Variants in UGGT1 observed in about 807,000 individuals in gnomAD.
The protein encoded by UGGT1 is UDP-glucose glycoprotein glucosyltransferase 1, also known as UDP-glucose:glycoprotein glucosyltransferase 1.
A neutral mutation model predicts 203.9 loss-of-function variants in UGGT1; 107 were observed. The observed-to-expected ratio is 0.52, with a 90% CI of 0.45 to 0.62. UGGT1 has a LOEUF of 0.62. Among genes scored for constraint, UGGT1 ranks in the 20% least tolerant of loss-of-function variants. UGGT1 has a pLI of 0.00. For synonymous variants in UGGT1, 628 were observed against 653.5 expected (o/e 0.96, Z 0.59); for missense variants, 1,673 against 1,867.2 (o/e 0.90, Z 1.92).
In UGGT1 at chr2:128,113,109, G is replaced by T. The variant is rs1236963054; in HGVS notation, c.547G>T (p.Asp183Tyr). 6.2e-7 allele frequency: 1 copy of T among 1,600,844 alleles called. No individual in the cohort carries two copies. The highest frequency in any genetic ancestry group is 2.2e-5 in the East Asian group (1 of 44,480). The change falls in exon 6 of 41, where the codon GAT becomes TAT. Residue 183 changes from aspartate to tyrosine, a missense_variant. Asp to Tyr is a radical substitution (Grantham distance 160). Transcript: ENST00000259253. ...ERPKPLLFKGDHRYPSSNPES... is the reference protein window; with the variant it reads ...ERPKPLLFKGYHRYPSSNPES... ...ACCCAAACCTTTATTGTTCAAAGGA[G>T]ATCACAGATATCCCTCGTCTAATCC...
At chr2:128,125,295 G>A (rs1372490255) in intron 11 of UGGT1, among the ~76,000 whole-genome samples, 2 of 152,074 alleles carry the variant, frequency 1.3e-5, no homozygotes, top group Non-Finnish European at 2.9e-5. Flanking sequence ...GGGTAGCACC[G>A]ACCTCAGGCA....
chr2:128,134,627 G>A (rs1221704443), intron 14 of UGGT1, among the ~76,000 whole-genome samples: 1 of 152,186 alleles, frequency 6.6e-6, no homozygotes, highest in East Asian at 1.9e-4. Flanking sequence ...AGAAAAAGCG[G>A]CATCATCACT....
intron 13 of UGGT1, 61 bp from the exon 14 acceptor site, chr2:128,133,080 A>G: frequency 4.4e-6 from 7 of 1,577,500 alleles, no homozygotes; most frequent in Non-Finnish European, 6.1e-6. Flanking sequence ...TATTGATATT[A>G]TTGCAGGTTT....
At chr2:128,105,584 G>A (rs1322623129) in intron 3 of UGGT1, among the ~76,000 whole-genome samples, 3 of 151,094 alleles carry the variant, frequency 2.0e-5, no homozygotes, top group Non-Finnish European at 2.9e-5. Flanking sequence ...GCGCGATCTC[G>A]ACTCACTGCA....
At chr2:128,130,300 C>A (rs1688813728) in intron 13 of UGGT1, among the ~76,000 whole-genome samples, 1 of 151,128 alleles carries the variant, frequency 6.6e-6, no homozygotes, top group South Asian at 2.1e-4. Context: ...GGAATAGTGC[C>A]ATCTTGGGCA....
At chr2:128,132,997 C>A in intron 13 of UGGT1, 144 bp from the exon 14 acceptor site, 1 of 1,013,596 alleles carries the variant, frequency 9.9e-7, no homozygotes, top group Non-Finnish European at 1.4e-6. Flanking sequence ...GTGAGCCACT[C>A]ACTGCAGCCA....
chr2:128,171,518 T>C, intron 28 of UGGT1: 1 of 470,864 alleles, frequency 2.1e-6, no homozygotes, highest in Non-Finnish European at 3.8e-6. Flanking sequence ...CTTTTCTTTC[T>C]TTTTTTCGAG....
At chr2:128,111,967 A>G (rs976105461) in intron 5 of UGGT1, among the ~76,000 whole-genome samples, 2 of 147,806 alleles carry the variant, frequency 1.4e-5, no homozygotes, top group South Asian at 2.2e-4. Flanking sequence ...GACAAAACCC[A>G]TGTCTACAAA....
At chr2:128,156,510 G>T in intron 21 of UGGT1, 95 bp downstream of exon 21, 13 of 915,646 alleles carry the variant, frequency 1.4e-5, no homozygotes, top group East Asian at 5.4e-5. Flanking sequence ...TAATTGTACT[G>T]TTTCCGGAAT....
chr2:128,108,183 T>G, intron 4 of UGGT1, 115 bp downstream of exon 4: 1 of 1,279,534 alleles, frequency 7.8e-7, no homozygotes, highest in South Asian at 1.7e-5. Context: ...TTGCCTGAAA[T>G]TTTCTAGGAT....
Position 128,159,733 on chromosome 2 carries a change from G to A in UGGT1, c.2562+13G>A. 1 of 1,612,682 alleles carries A rather than the reference G, an allele frequency of 6.2e-7. No individual in the cohort carries two copies. Among genetic ancestry groups the A allele is most frequent in the Non-Finnish European group, 8.5e-7 (1 of 1,179,118 alleles). ...GTTCTCTGTTGGGGTAAGGCTCTGAGCCTCTCATGAGGCTGCCCCATTTTG... is the reference window on the plus strand; with the variant it reads ...GTTCTCTGTTGGGGTAAGGCTCTGAACCTCTCATGAGGCTGCCCCATTTTG... On this transcript the variant is annotated intron_variant, in intron 23 of 40. Coordinates refer to ENST00000259253, the MANE Select transcript of UGGT1 (RefSeq NM_020120.4).
intron 29 of UGGT1, among the ~76,000 whole-genome samples, chr2:128,173,148 T>C (rs1691198725): frequency 6.6e-6 from 1 of 152,270 alleles, no homozygotes; most frequent in South Asian, 2.1e-4. Context: ...CTTCTGTAAC[T>C]GGCTTCTTTC....
intron 16 of UGGT1, 41 bp downstream of exon 16, chr2:128,138,893 T>G (rs1689272884): frequency 6.2e-7 from 1 of 1,610,482 alleles, no homozygotes; most frequent in Non-Finnish European, 8.5e-7. Context: ...TTTTCAGATC[T>G]AACTTACTCT....
At chr2:128,117,110 G>A (rs1033554180) in intron 8 of UGGT1, among the ~76,000 whole-genome samples, 5 of 151,746 alleles carry the variant, frequency 3.3e-5, no homozygotes, top group African/African-American at 1.2e-4. Context: ...TTTTTTTTGA[G>A]ACAGAGTCTT....
chr2:128,138,873 G>A, intron 16 of UGGT1, 21 bp downstream of exon 16: 1 of 1,611,152 alleles, frequency 6.2e-7, no homozygotes, highest in South Asian at 1.1e-5. Flanking sequence ...GTTCAGAATG[G>A]CAAATAATTT....
intron 28 of UGGT1, among the ~76,000 whole-genome samples, chr2:128,171,713 G>GGGCCCCC (rs1408626097): frequency 3.3e-5 from 5 of 152,036 alleles, no homozygotes; most frequent in Non-Finnish European, 2.9e-5. Context: ...TCACCATGTT[G>GGGCCCCC]ACCAGCCTGG....
intron 26 of UGGT1, among the ~76,000 whole-genome samples, chr2:128,170,000 A>G (rs921624484): frequency 2.0e-5 from 3 of 152,194 alleles, no homozygotes; most frequent in Non-Finnish European, 4.4e-5. Flanking sequence ...AAACTGGCAT[A>G]ATGTTATCAG....
rs557846168 is a variant in UGGT1, at chr2:128,165,805, G to T, written c.2921+980G>T. 1.1e-4 allele frequency among the ~76,000 whole-genome samples: 16 copies of T among 151,738 alleles called. 1 individual carries two copies. Among genetic ancestry groups the T allele is most frequent in the Middle Eastern group, 3.4e-3 (1 of 292 alleles). ...AAAACAGGGTTTCATTCTGTCATCT[G>T]GGCTAGAATGCAGTAGCGTGATCTC... On this transcript the variant is annotated intron_variant, in intron 26 of 40. Coordinates refer to ENST00000259253, the MANE Select transcript of UGGT1 (RefSeq NM_020120.4).
At chr2:128,120,852 C>T (rs2105390134) in intron 9 of UGGT1, among the ~76,000 whole-genome samples, 1 of 152,144 alleles carries the variant, frequency 6.6e-6, no homozygotes, top group Middle Eastern at 3.4e-3. Context: ...TTTTTTTCCC[C>T]AACGTCATTT....
Sources: gnomAD v4.1 joint callset for allele counts (sites outside exome capture counted in the v4.1 genomes callset) on GRCh38, gnomAD v4.1.1 for gene constraint, MANE v1.5 for transcripts, NCBI Gene and HGNC (gene_info 2026-07-23, HGNC 2026-07-21) for gene names.